The following RCHY1 variants were observed in gnomAD, a reference collection of about 807,000 sequenced individuals.
RCHY1 encodes the protein ring finger and CHY zinc finger domain containing 1.
A neutral mutation model predicts 41.6 loss-of-function variants in RCHY1; 21 were observed. That is an observed-to-expected ratio of 0.51 (90% CI 0.36 to 0.73). The LOEUF is 0.73. Ranked by LOEUF, RCHY1 falls within the 30% of genes least tolerant of loss-of-function variation. The pLI is 0.00. For synonymous variants in RCHY1, 79 were observed against 102.9 expected, an observed-to-expected ratio of 0.77 and a Z score of 1.41; for missense variants, 265 against 325.3, an observed-to-expected ratio of 0.81 and a Z score of 1.43.
In RCHY1 at chr4:75,514,190, G is replaced by A; in HGVS notation, c.90+7C>T. On this transcript the variant is annotated splice_region_variant and intron_variant, in intron 1 of 8. Coordinates refer to ENST00000324439, the MANE Select transcript of RCHY1 (RefSeq NM_015436.4). ...CTTGTCAGGGAAGAGTCCATAGAAG[G>A]CGTCACCTTTAGGAGACATCCTCTG... 2 of 1,607,362 alleles carry A rather than the reference G, an allele frequency of 1.2e-6. No individual in the cohort carries two copies. Among genetic ancestry groups the A allele is most frequent in the Non-Finnish European group, 1.7e-6 (2 of 1,174,454 alleles).
rs1489082857 is a variant in RCHY1, at chr4:75,480,087, G to C, written c.*2451C>G. ...CTTATTGTGAATGAGAAGTGTTGAA[G>C]GATTTTAATCATCGAGTTGACGTGT... On this transcript the variant is annotated 3_prime_UTR_variant, in exon 9 of 9. Transcript: ENST00000324439. 3.3e-5 allele frequency: 5 copies of C among 152,136 alleles called. No individual in the cohort carries two copies. The highest frequency in any genetic ancestry group is 5.9e-5 in the Non-Finnish European group (4 of 68,000). The allele number at this position is 152,136 out of a possible 1,614,324, so 9.4% of individuals were successfully genotyped here.
In RCHY1 at chr4:75,481,003, G is replaced by T. The variant is rs1398311466; in HGVS notation, c.*1535C>A. ...AAAACCACTTCAAAAAAAAGTATTAGATCTGGAAAACTAGTCTTTACTTAT... is the reference window on the plus strand; with the variant it reads ...AAAACCACTTCAAAAAAAAGTATTATATCTGGAAAACTAGTCTTTACTTAT... On this transcript the variant is annotated 3_prime_UTR_variant, in exon 9 of 9. Transcript: ENST00000324439. The T allele has an allele frequency of 6.6e-6, 1 of 152,202 alleles. No individual in the cohort carries two copies. The highest frequency in any genetic ancestry group is 1.5e-5 in the Non-Finnish European group (1 of 68,054). 9.4% of individuals were successfully genotyped at this position (152,202 alleles called of 1,614,324 possible). A position where few individuals can be genotyped will look rare whatever the true frequency, so the allele number is the denominator to read the frequency against.
intron 3 of RCHY1, among the ~76,000 whole-genome samples, chr4:75,497,119 G>A (rs1723281160): frequency 6.6e-6 from 1 of 152,056 alleles, no homozygotes; most frequent in African/African-American, 2.4e-5. Flanking sequence ...TCAACTTGAA[G>A]GCACAGTAAC....
chr4:75,483,293 C>T (rs1721680929), intron 8 of RCHY1, among the ~76,000 whole-genome samples: 1 of 152,130 alleles, frequency 6.6e-6, no homozygotes, highest in Non-Finnish European at 1.5e-5. Context: ...CAATACATTA[C>T]TATGCAAGAA....
At chr4:75,487,193 C>T (rs1469952238) in intron 8 of RCHY1, among the ~76,000 whole-genome samples, 1 of 151,734 alleles carries the variant, frequency 6.6e-6, no homozygotes, top group East Asian at 1.9e-4. Flanking sequence ...TTAGTCCTAA[C>T]AATACAAAAG....
chr4:75,490,548 G>A (rs2148725543), intron 8 of RCHY1, 33 bp downstream of exon 8: 1 of 1,577,870 alleles, frequency 6.3e-7, no homozygotes, highest in East Asian at 2.3e-5. Context: ...CCAACAAGGA[G>A]TCTACAAAGT....
At chr4:75,482,814 T>C (rs1387488580) in intron 8 of RCHY1, 148 bp from the exon 9 acceptor site, 1 of 508,290 alleles carries the variant, frequency 2.0e-6, no homozygotes, top group Non-Finnish European at 3.1e-6. Context: ...TTCTTCTTAT[T>C]TTTTCACTGA....
Position 75,480,370 on chromosome 4 carries a change from G to C in RCHY1, c.*2168C>G, listed in dbSNP as rs1721425342. 6.6e-6 allele frequency: 1 copy of C among 152,186 alleles called. No individual in the cohort carries two copies. The highest frequency in any genetic ancestry group is 2.4e-5 in the African/African-American group (1 of 41,436). 9.4% of individuals were successfully genotyped at this position (152,186 alleles called of 1,614,324 possible). ...GCTTCAATGATATGGATGACTAGCT[G>C]TGAGGGGTATTTTAGCAAAATAGAA... is the stretch of plus-strand genomic sequence containing the variant. On this transcript the variant is annotated 3_prime_UTR_variant, in exon 9 of 9. Transcript: ENST00000324439.
At chr4:75,490,787 C>A (rs1052289231) in intron 7 of RCHY1, 86 bp from the exon 8 acceptor site, 9 of 974,002 alleles carry the variant, frequency 9.2e-6, no homozygotes, top group South Asian at 1.8e-5. Context: ...CTAACTGCCA[C>A]ATGAACCATT....
intron 3 of RCHY1, among the ~76,000 whole-genome samples, chr4:75,498,195 C>G (rs1395499157): frequency 6.7e-6 from 1 of 149,540 alleles, no homozygotes; most frequent in Non-Finnish European, 1.5e-5. Flanking sequence ...GATACTATTA[C>G]GAACAACTAT....
At chr4:75,513,069 T>C (rs780832420) in intron 1 of RCHY1, among the ~76,000 whole-genome samples, 1 of 152,100 alleles carries the variant, frequency 6.6e-6, no homozygotes, top group Non-Finnish European at 1.5e-5. Context: ...TCAGTAGAAA[T>C]TGAATCATAA....
intron 3 of RCHY1, among the ~76,000 whole-genome samples, chr4:75,504,647 C>G (rs6815241): frequency 0.68 from 103,503 of 152,052 alleles, 36,416 homozygotes; most frequent in African/African-American, 0.87. Context: ...TGAGCTGGCA[C>G]TTGGTGCCCT....
At chr4:75,494,252 C>T (rs1449519533) in intron 3 of RCHY1, 73 bp from the exon 4 acceptor site, 2 of 1,094,440 alleles carry the variant, frequency 1.8e-6, no homozygotes, top group Admixed American at 2.6e-5. Flanking sequence ...TTATGTAAAA[C>T]ACAAGTTTAG....
At position 75,482,559 on chromosome 4, in the gene RCHY1, T is replaced by C; in HGVS notation, c.765A>G (p.Arg255=). 6.2e-7 allele frequency: 1 copy of C among 1,606,994 alleles called. No homozygotes were observed. Among genetic ancestry groups the C allele is most frequent in the Non-Finnish European group, 8.5e-7 (1 of 1,176,256 alleles). Residue 255 remains arginine, a synonymous_variant, in exon 9 of 9, where the codon AGA becomes AGG. Transcript: ENST00000324439. ...SYNTAQAGGR[R]ISLDQQ The stretch of plus-strand genomic sequence containing the variant: ...CTCGTCATTGCTGATCCAGTGAAAT[T>C]CTACGTCCTCCAGCTTGAGCAGTAT...
At chr4:75,491,187 AAT>A (rs1177306289) in intron 7 of RCHY1, 1 of 160,650 alleles carries the variant, frequency 6.2e-6, no homozygotes, top group African/African-American at 2.4e-5. Context: ...ATCTAATTTT[AAT>A]ATCTTTTCCA....
chr4:75,491,554 C>T, intron 7 of RCHY1, 57 bp downstream of exon 7: 6 of 1,523,050 alleles, frequency 3.9e-6, no homozygotes, highest in Non-Finnish European at 5.4e-6. Flanking sequence ...CTCCCCACAC[C>T]ACACACACAA....
chr4:75,486,362 A>C (rs990566277), intron 8 of RCHY1, among the ~76,000 whole-genome samples: 6 of 152,158 alleles, frequency 3.9e-5, no homozygotes, highest in African/African-American at 1.4e-4. Context: ...CTTTTAAGTC[A>C]TTTATAAGTT....
At chr4:75,511,164 G>A (rs1367883876) in intron 1 of RCHY1, among the ~76,000 whole-genome samples, 2 of 152,054 alleles carry the variant, frequency 1.3e-5, no homozygotes, top group Middle Eastern at 3.2e-3. Context: ...TTGGTCATCT[G>A]GAGAATACCA....
chr4:75,498,116 G>A (rs1487928102), intron 3 of RCHY1, among the ~76,000 whole-genome samples: 155 of 143,746 alleles, frequency 1.1e-3, no homozygotes, highest in African/African-American at 3.8e-3. Context: ...AAATGTAATA[G>A]ACTAAAAAAA....
Sources: allele counts gnomAD v4.1 joint callset (sites outside exome capture counted in the v4.1 genomes callset), GRCh38; gene constraint gnomAD v4.1.1; transcripts MANE v1.5; gene names NCBI Gene and HGNC (gene_info 2026-07-23, HGNC 2026-07-21).